Variants in FGD6 observed in about 807,000 individuals in gnomAD.
FGD6 encodes the protein FYVE, RhoGEF and PH domain-containing protein 6.
FGD6 carries 90 observed loss-of-function variants against 149.4 expected under a neutral mutation model. The observed-to-expected ratio is 0.60, with a 90% CI of 0.51 to 0.72. The LOEUF is 0.72. Ranked by LOEUF, FGD6 falls within the 30% of genes least tolerant of loss-of-function variation. The pLI is 0.00. For missense variants in FGD6, 1,437 were observed against 1,684.8 expected, an observed-to-expected ratio of 0.85 and a Z score of 2.57; for synonymous variants, 527 against 584.0, an observed-to-expected ratio of 0.90 and a Z score of 1.41.
At chr12:95,089,841 A>G (rs1295880455) in intron 17 of FGD6, 145 bp from the exon 18 acceptor site, 2 of 1,044,370 alleles carry the variant, frequency 1.9e-6, no homozygotes, top group Non-Finnish European at 1.4e-6. Flanking sequence ...AGGACAATGG[A>G]TGGCTGGGAG....
chr12:95,215,963 T>G lies in FGD6; in HGVS notation c.16+1262A>C, dbSNP rs745917855. Among the ~76,000 whole-genome samples the G allele has an allele frequency of 1.3e-5, 2 of 152,194 alleles. 1 individual carries two copies. The highest frequency in any genetic ancestry group is 2.9e-5 in the Non-Finnish European group (2 of 68,028). ...CTTGAACGAAGGTAAGGCACAGAAA[T>G]GTAGGATGAAAATAATTTACCTTAT... On this transcript the variant is annotated intron_variant, in intron 1 of 20. Coordinates refer to ENST00000343958, the MANE Select transcript of FGD6 (RefSeq NM_018351.4).
chr12:95,185,579 T>C (rs980457021), intron 2 of FGD6, among the ~76,000 whole-genome samples: 3 of 152,030 alleles, frequency 2.0e-5, no homozygotes, highest in South Asian at 2.1e-4. Flanking sequence ...ATTGAGATAA[T>C]AGGCCGGGCG....
intron 2 of FGD6, among the ~76,000 whole-genome samples, chr12:95,193,530 GTTTT>G (rs754634855): frequency 7.7e-6 from 1 of 129,190 alleles, no homozygotes; most frequent in African/African-American, 2.9e-5. Flanking sequence ...GTTAATTCTT[GTTTT>G]TTTTTTTTTT....
intron 3 of FGD6, among the ~76,000 whole-genome samples, chr12:95,168,968 A>T (rs1228713135): frequency 6.6e-6 from 1 of 152,260 alleles, no homozygotes; most frequent in African/African-American, 2.4e-5. Flanking sequence ...GGCTGTGGCC[A>T]GATGGATTAA....
chr12:95,166,219 T>G (rs901139070), intron 3 of FGD6, among the ~76,000 whole-genome samples: 6 of 152,150 alleles, frequency 3.9e-5, no homozygotes, highest in Non-Finnish European at 1.5e-5. Flanking sequence ...CAGCCTGATA[T>G]CACCGACTTT....
chr12:95,082,307 G>C (rs1877700754), intron 20 of FGD6, among the ~76,000 whole-genome samples: 1 of 151,896 alleles, frequency 6.6e-6, no homozygotes, highest in South Asian at 2.1e-4. Context: ...CCTGTTTCAA[G>C]ATTTGCAATT....
At chr12:95,158,347 T>TTG (rs1880539690) in intron 3 of FGD6, among the ~76,000 whole-genome samples, 1 of 151,376 alleles carries the variant, frequency 6.6e-6, no homozygotes, top group Non-Finnish European at 1.5e-5. Context: ...TTTTTTTTTT[T>TTG]TGTATTTTTA....
In FGD6 at chr12:95,203,140, C is replaced by T. The variant is rs114787780; in HGVS notation, c.2441+5703G>A. On this transcript the variant is annotated intron_variant, in intron 2 of 20. Coordinates refer to ENST00000343958, the MANE Select transcript of FGD6 (RefSeq NM_018351.4). ...TAGGACTTGCAGTGTCATTCAGCAGCTCTTCAAGACCAGTCTCAAATTTAA... is the reference window on the plus strand; with the variant it reads ...TAGGACTTGCAGTGTCATTCAGCAGTTCTTCAAGACCAGTCTCAAATTTAA... Among the ~76,000 whole-genome samples the T allele has an allele frequency of 4.6e-3, 696 of 152,278 alleles. 5 individuals carry two copies. Among genetic ancestry groups the T allele is most frequent in the African/African-American group, 0.016 (653 of 41,558 alleles).
At chr12:95,133,798 T>C (rs1245875700) in intron 8 of FGD6, among the ~76,000 whole-genome samples, 1 of 152,190 alleles carries the variant, frequency 6.6e-6, no homozygotes, top group Non-Finnish European at 1.5e-5. Flanking sequence ...GAGACTACAC[T>C]AGCCTTTTTG....
intron 2 of FGD6, 124 bp downstream of exon 2, chr12:95,208,719 T>G: frequency 1.7e-6 from 2 of 1,169,774 alleles, no homozygotes; most frequent in Non-Finnish European, 1.2e-6. Flanking sequence ...TTGAGAATAA[T>G]TACACATTTT....
At position 95,094,693 on chromosome 12, in the gene FGD6, A is replaced by G. The variant is rs1250722766; in HGVS notation, c.3499T>C (p.Ser1167Pro). 1.9e-6 allele frequency: 3 copies of G among 1,610,500 alleles called. No individual in the cohort carries two copies. In the Admixed American group the frequency reaches 5.0e-5, roughly 27 times the overall value. ...AGCCATTCATCCCTTTCTGTGGCAG[A>G]ACTGTTGGGGGCAAAAGGTTTCATC... ...VERSFILSAS[S>P]ATERDEWLEA... The change falls in exon 15 of 21, where the codon TCT becomes CCT. Residue 1167 changes from serine (S) to proline (P), a missense_variant and splice_region_variant. Physicochemically the swap from Ser to Pro is moderately conservative, Grantham distance 74. Coordinates refer to ENST00000343958, the MANE Select transcript of FGD6 (RefSeq NM_018351.4).
intron 8 of FGD6, among the ~76,000 whole-genome samples, chr12:95,117,355 A>C (rs1879048199): frequency 6.6e-6 from 1 of 152,196 alleles, no homozygotes; most frequent in Non-Finnish European, 1.5e-5. Flanking sequence ...ATCACCCAAC[A>C]TGAGTAGCAA....
intron 8 of FGD6, among the ~76,000 whole-genome samples, chr12:95,131,115 T>C (rs1879509067): frequency 8.0e-6 from 1 of 125,430 alleles, no homozygotes; most frequent in African/African-American, 3.4e-5. Flanking sequence ...AGAGTTTTTT[T>C]TTTTTTTTTT....
chr12:95,089,253 G>A (rs1215303902), intron 18 of FGD6, among the ~76,000 whole-genome samples: 1 of 152,196 alleles, frequency 6.6e-6, no homozygotes, highest in Non-Finnish European at 1.5e-5. Flanking sequence ...AAAATATCCT[G>A]TGGACTTCTT....
intron 11 of FGD6, 78 bp from the exon 12 acceptor site, chr12:95,107,709 T>C (rs1592834650): frequency 2.0e-6 from 3 of 1,499,836 alleles, no homozygotes; most frequent in East Asian, 4.6e-5. Context: ...TCAACTTTCT[T>C]CCCTGAGAAT....
intron 5 of FGD6, among the ~76,000 whole-genome samples, chr12:95,144,749 G>A (rs1022598110): frequency 6.6e-6 from 1 of 151,414 alleles, no homozygotes; most frequent in African/African-American, 2.4e-5. Flanking sequence ...GTGCAGTGGT[G>A]CAATCTCAGC....
chr12:95,121,100 T>C (rs1379858432), intron 8 of FGD6, among the ~76,000 whole-genome samples: 1 of 152,110 alleles, frequency 6.6e-6, no homozygotes, highest in Non-Finnish European at 1.5e-5. Flanking sequence ...GGTGCAAATG[T>C]GCCTCAAAAA....
intron 18 of FGD6, 115 bp downstream of exon 18, chr12:95,089,454 C>A: frequency 7.6e-7 from 1 of 1,319,664 alleles, no homozygotes; most frequent in Non-Finnish European, 1.0e-6. Context: ...TATTAAAATT[C>A]ATGACTTAAT....
At chr12:95,186,520 T>TG (rs1446467417) in intron 2 of FGD6, among the ~76,000 whole-genome samples, 4 of 52,876 alleles carry the variant, frequency 7.6e-5, no homozygotes, top group East Asian at 6.8e-4. Flanking sequence ...TCTTAAATCA[T>TG]GAAAAAAAAA....
Sources: allele counts gnomAD v4.1 joint callset (sites outside exome capture counted in the v4.1 genomes callset), GRCh38; gene constraint gnomAD v4.1.1; transcripts MANE v1.5; gene names NCBI Gene and HGNC (gene_info 2026-07-23, HGNC 2026-07-21).